STK32B: variants seen among roughly 807,000 people sequenced by gnomAD.
STK32B encodes the protein serine/threonine-protein kinase 32B.
Under a neutral mutation model 52.6 loss-of-function variants are expected in STK32B, and 43 were observed. The observed-to-expected ratio is 0.82, with a 90% CI of 0.64 to 1.05. The LOEUF (loss-of-function observed/expected upper bound fraction) is 1.05. STK32B is among the 50% of genes least tolerant of loss of function. The pLI is 0.00. For missense variants in STK32B, 621 were observed against 534.6 expected, an observed-to-expected ratio of 1.16 and a Z score of -1.59; for synonymous variants, 238 against 204.3, an observed-to-expected ratio of 1.17 and a Z score of -1.41.
chr4:5,183,926 G>T (rs1411473470), intron 3 of STK32B, among the ~76,000 whole-genome samples: 1 of 152,078 alleles, frequency 6.6e-6, no homozygotes, highest in Admixed American at 6.6e-5. Context: ...TCTGGATTAG[G>T]CTTTGGCTTA....
chr4:5,331,421 G>T, intron 4 of STK32B, 28 bp downstream of exon 4: 1 of 1,588,008 alleles, frequency 6.3e-7, no homozygotes, highest in South Asian at 1.2e-5. Flanking sequence ...GGGATGCCTG[G>T]GACAGAGGGA....
chr4:5,215,019 CA>C (rs555528112), intron 3 of STK32B, among the ~76,000 whole-genome samples: 65 of 152,256 alleles, frequency 4.3e-4, no homozygotes, highest in African/African-American at 1.5e-3. Flanking sequence ...AAAAACCGCA[CA>C]AAGACATTGG....
chr4:5,244,245 A>G (rs1482193429), intron 3 of STK32B, among the ~76,000 whole-genome samples: 3 of 152,216 alleles, frequency 2.0e-5, no homozygotes, highest in African/African-American at 4.8e-5. Flanking sequence ...TATTGCCACA[A>G]TTTCAGAGCC....
chr4:5,217,072 C>A (rs142926685), intron 3 of STK32B, among the ~76,000 whole-genome samples: 1 of 152,154 alleles, frequency 6.6e-6, no homozygotes, highest in African/African-American at 2.4e-5. Flanking sequence ...TCAGCAAAAC[C>A]GAACTTATGT....
At chr4:5,494,512 C>G (rs1156859616) in intron 11 of STK32B, among the ~76,000 whole-genome samples, 1 of 152,134 alleles carries the variant, frequency 6.6e-6, no homozygotes, top group Non-Finnish European at 1.5e-5. Context: ...ACATGGATGG[C>G]TCTTGACTCT....
Position 5,380,054 on chromosome 4 carries a change from G to T in STK32B, c.435-18153G>T, listed in dbSNP as rs997914019. On this transcript the variant is annotated intron_variant, in intron 4 of 11. Transcript: ENST00000282908. The surrounding 1 kb of genome is among the most constrained non-coding windows in gnomAD (Gnocchi z 4.3). ...AGGCCCTGAGGAAAACCACTGCCTC[G>T]ATCACGGGGCTATGCTCACTGTGCA... Among the ~76,000 whole-genome samples, 1 of 152,104 alleles carries T rather than the reference G, an allele frequency of 6.6e-6. No homozygotes were observed. Among genetic ancestry groups the T allele is most frequent in the Non-Finnish European group, 1.5e-5 (1 of 68,036 alleles).
At chr4:5,416,144 A>G (rs1381987603) in intron 5 of STK32B, among the ~76,000 whole-genome samples, 1 of 152,104 alleles carries the variant, frequency 6.6e-6, no homozygotes, top group African/African-American at 2.4e-5. Context: ...AAATTTCCCA[A>G]AAAACAAGTA....
At chr4:5,419,840 A>G (rs1485946229) in intron 6 of STK32B, among the ~76,000 whole-genome samples, 1 of 152,230 alleles carries the variant, frequency 6.6e-6, no homozygotes, top group Admixed American at 6.5e-5. Flanking sequence ...CCTAGAATCC[A>G]CTACTCATGT....
chr4:5,241,981 G>A (rs1725064299), intron 3 of STK32B, among the ~76,000 whole-genome samples: 1 of 152,090 alleles, frequency 6.6e-6, no homozygotes, highest in African/African-American at 2.4e-5. Flanking sequence ...TATCATTGTT[G>A]GACATTTGGG....
At chr4:5,266,942 A>G (rs1022762098) in intron 3 of STK32B, among the ~76,000 whole-genome samples, 1 of 152,094 alleles carries the variant, frequency 6.6e-6, no homozygotes, top group African/African-American at 2.4e-5. Context: ...ATATACTTTA[A>G]AATATATTTT....
intron 3 of STK32B, among the ~76,000 whole-genome samples, chr4:5,225,494 T>A (rs1394791841): frequency 1.3e-5 from 2 of 152,172 alleles, no homozygotes; most frequent in African/African-American, 4.8e-5. Context: ...TTAAAATAGC[T>A]TCCCCTTATC....
rs140694477 is a variant in STK32B at position 5,460,189 on chromosome 4, G to T, written c.870G>T (p.Ala290=). The change falls in exon 9 of 12, where the codon GCG becomes GCT. Residue 290 remains alanine (A), a synonymous_variant. Coordinates refer to ENST00000282908, the MANE Select transcript of STK32B (RefSeq NM_018401.3). The surrounding 1 kb of genome is among the most constrained non-coding windows in gnomAD (Gnocchi z 4.8). ...ACTTGGCCGACATGAACTGGGACGC[G>T]GTGTTCAAGAAGGCACTGATGCCCG... ...VPYLADMNWD[A]VFKKALMPGF... The T allele has an allele frequency of 6.2e-7, 1 of 1,613,978 alleles. No homozygotes were observed. Among genetic ancestry groups the T allele is most frequent in the Non-Finnish European group, 8.5e-7 (1 of 1,179,988 alleles).
At chr4:5,187,627 G>GGGGGGGGGGGCGGGGGGGGGGGGGA (rs1720851183) in intron 3 of STK32B, among the ~76,000 whole-genome samples, 1 of 141,664 alleles carries the variant, frequency 7.1e-6, no homozygotes, top group Admixed American at 7.3e-5. Context: ...GCGGGGGAGG[G>GGGGGGGGGGGCGGGGGGGGGGGGGA]GGGGGACAAG....
intron 11 of STK32B, among the ~76,000 whole-genome samples, chr4:5,493,958 T>G (rs1257432769): frequency 6.6e-6 from 1 of 152,288 alleles, no homozygotes; most frequent in African/African-American, 2.4e-5. Context: ...TTGTTATAAT[T>G]TCTGATCTTC....
At chr4:5,307,780 C>G (rs932765824) in intron 3 of STK32B, among the ~76,000 whole-genome samples, 1 of 151,956 alleles carries the variant, frequency 6.6e-6, no homozygotes, top group Non-Finnish European at 1.5e-5. Flanking sequence ...TTATAGGACT[C>G]AAGGGCTGCC....
intron 4 of STK32B, among the ~76,000 whole-genome samples, chr4:5,377,126 T>C (rs1236313633): frequency 6.6e-6 from 1 of 152,004 alleles, no homozygotes; most frequent in East Asian, 1.9e-4. Flanking sequence ...GCCAAAGGAG[T>C]CTTGATTCTA....
intron 3 of STK32B, among the ~76,000 whole-genome samples, chr4:5,308,976 G>T (rs78139164): frequency 1.3e-5 from 2 of 151,946 alleles, no homozygotes; most frequent in African/African-American, 4.8e-5. Flanking sequence ...GCTTGTAGAT[G>T]ACATGATCTT....
chr4:5,347,470 A>G (rs994370676), intron 4 of STK32B, among the ~76,000 whole-genome samples: 1 of 152,216 alleles, frequency 6.6e-6, no homozygotes. Flanking sequence ...CTCATCTGCC[A>G]TTATTGAGAT....
intron 1 of STK32B, among the ~76,000 whole-genome samples, chr4:5,099,013 A>G (rs184300127): frequency 2.0e-4 from 30 of 152,310 alleles, no homozygotes; most frequent in Non-Finnish European, 3.8e-4. Context: ...AGATGTCTAC[A>G]GTGTGTTTCA....
Sources: allele counts gnomAD v4.1 joint callset (sites outside exome capture counted in the v4.1 genomes callset), GRCh38; gene constraint gnomAD v4.1.1; non-coding constraint Gnocchi (gnomAD v3.1); transcripts MANE v1.5; gene names NCBI Gene and HGNC (gene_info 2026-07-23, HGNC 2026-07-21).